The following PACRG variants were observed in gnomAD, a reference collection of about 807,000 sequenced individuals.
PACRG encodes parkin coregulated, also known as parkin coregulated gene protein.
PACRG carries 29 observed loss-of-function variants against 29.7 expected under a neutral mutation model. That is an observed-to-expected ratio of 0.98 (90% CI 0.73 to 1.33). The LOEUF (loss-of-function observed/expected upper bound fraction) is 1.33, where lower values mean the gene tolerates loss of function less well. Among genes scored for constraint, PACRG ranks in the 40% most tolerant of loss-of-function variants. The probability of loss-of-function intolerance (pLI) is 0.00; values close to 1 mark genes in which losing one functional copy is unlikely to be tolerated. For synonymous variants in PACRG, 116 were observed against 118.7 expected, an observed-to-expected ratio of 0.98 and a Z score of 0.15; for missense variants, 279 against 316.2, an observed-to-expected ratio of 0.88 and a Z score of 0.89.
At chr6:163,106,876 G>A (rs1298402965) in intron 4 of PACRG, among the ~76,000 whole-genome samples, 2 of 152,132 alleles carry the variant, frequency 1.3e-5, no homozygotes, top group Admixed American at 6.5e-5. Context: ...TGCAAGAAAT[G>A]CTCTTTAGAA....
chr6:163,111,488 C>A (rs1190850757), intron 4 of PACRG, among the ~76,000 whole-genome samples: 1 of 152,200 alleles, frequency 6.6e-6, no homozygotes, highest in African/African-American at 2.4e-5. Flanking sequence ...TAATATTCAA[C>A]CTTCAAATTT....
intron 2 of PACRG, among the ~76,000 whole-genome samples, chr6:162,865,047 A>G (rs546755683): frequency 6.6e-6 from 1 of 152,200 alleles, no homozygotes; most frequent in African/African-American, 2.4e-5. Context: ...TGAATCTTTC[A>G]CCAATTACTA....
chr6:162,969,717 G>A (rs1053972242), intron 2 of PACRG, among the ~76,000 whole-genome samples: 3 of 152,038 alleles, frequency 2.0e-5, no homozygotes, highest in African/African-American at 4.8e-5. Context: ...GCTCTTTCCC[G>A]TGACTTAGGT....
chr6:162,952,979 A>G (rs1390211855), intron 2 of PACRG, among the ~76,000 whole-genome samples: 1 of 152,222 alleles, frequency 6.6e-6, no homozygotes, highest in Non-Finnish European at 1.5e-5. Context: ...TTTCAAATAT[A>G]TAAAAAAATC....
chr6:162,790,332 C>G (rs1156233306), intron 1 of PACRG, among the ~76,000 whole-genome samples: 1 of 152,056 alleles, frequency 6.6e-6, no homozygotes, highest in Admixed American at 6.6e-5. Flanking sequence ...CATTTGCTCT[C>G]CCCGCACTCA....
At chr6:163,308,950 A>AT (rs1488675865) in intron 4 of PACRG, among the ~76,000 whole-genome samples, 2 of 152,196 alleles carry the variant, frequency 1.3e-5, no homozygotes, top group African/African-American at 4.8e-5. Flanking sequence ...AGCTCTTGAA[A>AT]TTTTTTAGTT....
In PACRG at chr6:162,913,528, AT is replaced by A. The variant is rs556032019; in HGVS notation, c.291+99253del. 2.5e-3 allele frequency among the ~76,000 whole-genome samples: 382 copies of A among 152,272 alleles called. 1 individual carries two copies. Among genetic ancestry groups the A allele is most frequent in the Non-Finnish European group, 4.2e-3 (284 of 68,022 alleles). ...AAGCTACTAAAAGCATTCATGTACAATTTTTTGTTGGGACACATGTTTTCAT... is the reference window on the plus strand; with the variant it reads ...AAGCTACTAAAAGCATTCATGTACAATTTTTGTTGGGACACATGTTTTCAT... On this transcript the variant is annotated intron_variant, in intron 2 of 4. Coordinates refer to ENST00000366888, the MANE Select transcript of PACRG (RefSeq NM_001080379.2).
At chr6:163,083,649 A>T (rs1204936753) in intron 3 of PACRG, among the ~76,000 whole-genome samples, 1 of 152,098 alleles carries the variant, frequency 6.6e-6, no homozygotes, top group South Asian at 2.1e-4. Flanking sequence ...TTATGTATTA[A>T]TTTGTGCGTT....
At chr6:163,139,469 T>C (rs1817068719) in intron 4 of PACRG, among the ~76,000 whole-genome samples, 1 of 152,206 alleles carries the variant, frequency 6.6e-6, no homozygotes, top group Non-Finnish European at 1.5e-5. Flanking sequence ...AGGGAAATTA[T>C]TTAATCTGTC....
In PACRG at chr6:162,988,069, T is replaced by C. The variant is rs556443617; in HGVS notation, c.292-74081T>C. The stretch of plus-strand genomic sequence containing the variant: ...GAATTTGCAGTGGCATGCCATTTCT[T>C]TCAAGGGATCTGTGAATTCTTTTGG... On this transcript the variant is annotated intron_variant, in intron 2 of 4. Coordinates refer to ENST00000366888, the MANE Select transcript of PACRG (RefSeq NM_001080379.2). 2.6e-5 allele frequency among the ~76,000 whole-genome samples: 4 copies of C among 152,330 alleles called. No homozygotes were observed. The East Asian group carries it at 7.7e-4, about 29-fold the overall frequency.
At chr6:163,172,196 T>C (rs1276455949) in intron 4 of PACRG, among the ~76,000 whole-genome samples, 2 of 152,236 alleles carry the variant, frequency 1.3e-5, no homozygotes, top group African/African-American at 4.8e-5. Flanking sequence ...TGCAAATTGC[T>C]TTTTAATGTC....
At chr6:163,022,788 G>A (rs1364788786) in intron 2 of PACRG, among the ~76,000 whole-genome samples, 2 of 152,130 alleles carry the variant, frequency 1.3e-5, no homozygotes, top group South Asian at 4.1e-4. Context: ...ATTTGTCCTG[G>A]ATCATGATTT....
intron 4 of PACRG, among the ~76,000 whole-genome samples, chr6:163,096,886 A>T (rs1202175845): frequency 6.6e-6 from 1 of 152,240 alleles, no homozygotes; most frequent in Non-Finnish European, 1.5e-5. Flanking sequence ...TGAAATAAAT[A>T]TTCAAGAATC....
chr6:163,190,819 TAAC>T (rs922829367), intron 4 of PACRG: 1 of 380,234 alleles, frequency 2.6e-6, no homozygotes, highest in Non-Finnish European at 5.3e-6. Flanking sequence ...AGAAACAACT[TAAC>T]AACTTCGTCT....
chr6:162,828,537 T>C (rs1170357154), intron 2 of PACRG, among the ~76,000 whole-genome samples: 2 of 152,288 alleles, frequency 1.3e-5, no homozygotes, highest in East Asian at 1.9e-4. Flanking sequence ...TCAGGGCTCA[T>C]GGAGCTTCCA....
At chr6:163,264,816 A>G (rs1783467480) in intron 4 of PACRG, among the ~76,000 whole-genome samples, 1 of 152,184 alleles carries the variant, frequency 6.6e-6, no homozygotes. Context: ...TGCCTCTGCC[A>G]AAACCAATCT....
chr6:163,042,295 T>G (rs1536035), intron 2 of PACRG, among the ~76,000 whole-genome samples: 57,883 of 152,012 alleles, frequency 0.38, 12,220 homozygotes, highest in East Asian at 0.68. Context: ...GCTAGAAATT[T>G]AGAGCTGGAA....
At chr6:163,112,041 A>G in intron 4 of PACRG, 1 of 958,920 alleles carries the variant, frequency 1.0e-6, no homozygotes, top group Non-Finnish European at 1.2e-6. Context: ...ACTGTACCAA[A>G]TTATTAAATT....
At chr6:163,255,241 AG>A (rs756124353) in intron 4 of PACRG, among the ~76,000 whole-genome samples, 9 of 152,200 alleles carry the variant, frequency 5.9e-5, no homozygotes, top group Non-Finnish European at 1.3e-4. Context: ...CCGAATAAAG[AG>A]GAAGAAGAAA....
Sources: gnomAD v4.1 joint callset for allele counts (sites outside exome capture counted in the v4.1 genomes callset) on GRCh38, gnomAD v4.1.1 for gene constraint, MANE v1.5 for transcripts, NCBI Gene and HGNC (gene_info 2026-07-23, HGNC 2026-07-21) for gene names.